DENND5A: variants seen among roughly 807,000 people sequenced by gnomAD.
DENND5A encodes the protein DENN domain containing 5A.
DENND5A carries 64 observed loss-of-function variants against 140.3 expected under a neutral mutation model. The ratio of observed to expected loss-of-function variants is 0.46; its 90% CI spans 0.37 to 0.56. The LOEUF (loss-of-function observed/expected upper bound fraction) is 0.56, where lower values mean the gene tolerates loss of function less well. Ranked by LOEUF, DENND5A falls within the 20% of genes least tolerant of loss-of-function variation. The pLI is 0.00. For synonymous variants in DENND5A, 605 were observed against 607.7 expected, an observed-to-expected ratio of 1.00 and a Z score of 0.07; for missense variants, 1,292 against 1,593.8, an observed-to-expected ratio of 0.81 and a Z score of 3.22.
At chr11:9,165,488 G>A (rs1172756424) in intron 11 of DENND5A, among the ~76,000 whole-genome samples, 2 of 151,934 alleles carry the variant, frequency 1.3e-5, no homozygotes, top group African/African-American at 4.8e-5. Flanking sequence ...TGCCCAGGCA[G>A]GAGTGCAGTG....
intron 8 of DENND5A, among the ~76,000 whole-genome samples, chr11:9,174,779 T>C (rs1439288877): frequency 5.4e-5 from 6 of 111,308 alleles, no homozygotes; most frequent in Non-Finnish European, 8.4e-5. Context: ...ATTACCTTGA[T>C]AGATACAGAA....
rs575382959 is a variant in DENND5A at position 9,212,633 on chromosome 11, A to G, written c.110-5001T>C. On this transcript the variant is annotated intron_variant, in intron 1 of 22. Coordinates refer to ENST00000328194, the MANE Select transcript of DENND5A (RefSeq NM_015213.4). ...AAAACATGGAACAACACAAGTACTG[A>G]AAAAAAAACACAAATAAATAAAAAT... 4.3e-5 allele frequency among the ~76,000 whole-genome samples: 6 copies of G among 138,478 alleles called. No homozygotes were observed. The South Asian group carries it at 1.3e-3, about 29-fold the overall frequency. The allele number at this position is 138,478 out of a possible 152,430, so 90.8% of individuals were successfully genotyped here.
intron 8 of DENND5A, among the ~76,000 whole-genome samples, chr11:9,177,376 G>C (rs535929463): frequency 2.8e-4 from 43 of 152,164 alleles, no homozygotes; most frequent in African/African-American, 1.0e-3. Flanking sequence ...CTGGAGCTGG[G>C]TGTGGTGGTT....
chr11:9,262,683 A>G (rs1852256371), intron 1 of DENND5A, among the ~76,000 whole-genome samples: 1 of 152,246 alleles, frequency 6.6e-6, no homozygotes, highest in Admixed American at 6.5e-5. Context: ...CTGTACTATA[A>G]GAATTTGAAG....
At chr11:9,254,054 G>A (rs1301180049) in intron 1 of DENND5A, among the ~76,000 whole-genome samples, 2 of 151,838 alleles carry the variant, frequency 1.3e-5, no homozygotes, top group Admixed American at 6.6e-5. Context: ...TACTCAGGAG[G>A]CCGAGGCAGG....
At chr11:9,171,805 G>A (rs1249523809) in intron 8 of DENND5A, 2 of 152,058 alleles carry the variant, frequency 1.3e-5, no homozygotes, top group Non-Finnish European at 2.9e-5. Context: ...TAAGGTTATG[G>A]TGAGCTATAA....
chr11:9,146,232 C>T (rs1847426932), intron 16 of DENND5A, among the ~76,000 whole-genome samples: 1 of 152,162 alleles, frequency 6.6e-6, no homozygotes, highest in African/African-American at 2.4e-5. Flanking sequence ...TTCCAAGGCA[C>T]AGAGAAAGAA....
intron 10 of DENND5A, among the ~76,000 whole-genome samples, chr11:9,166,729 G>T (rs1381974094): frequency 3.9e-5 from 6 of 152,076 alleles, no homozygotes; most frequent in Non-Finnish European, 8.8e-5. Flanking sequence ...CTACTCAGGA[G>T]GCTGAGGCAG....
chr11:9,264,835 C>G (rs1852372143), intron 1 of DENND5A, 126 bp downstream of exon 1: 1 of 820,660 alleles, frequency 1.2e-6, no homozygotes, highest in East Asian at 3.3e-5. Context: ...CGCCCGCGCC[C>G]GCCCTGGTCC....
In DENND5A at chr11:9,206,701, T is replaced by A; in HGVS notation, c.263A>T (p.Asn88Ile). ...TCCTACTGCATCTTGGTCAAAGGGATTCCATTCTACGTTCTCAGGATATCG... is the reference window on the plus strand; with the variant it reads ...TCCTACTGCATCTTGGTCAAAGGGAATCCATTCTACGTTCTCAGGATATCG... ...LARYPENVEW[N>I]PFDQDAVGML... Residue 88 changes from asparagine to isoleucine, a missense_variant, in exon 3 of 23, where the codon AAT (asparagine) becomes ATT (isoleucine). By Grantham distance (149) the Asn-to-Ile change is moderately radical. Transcript: ENST00000328194. The A allele has an allele frequency of 6.2e-7, 1 of 1,613,604 alleles. No individual in the cohort carries two copies. Among genetic ancestry groups the A allele is most frequent in the Non-Finnish European group, 8.5e-7 (1 of 1,179,566 alleles).
intron 8 of DENND5A, chr11:9,176,971 T>C (rs147424287): frequency 9.2e-5 from 42 of 455,458 alleles, no homozygotes; most frequent in African/African-American, 6.0e-4. Flanking sequence ...GTGGGAAAAA[T>C]AGGCTGGGCA....
chr11:9,178,951 C>A lies in DENND5A; in HGVS notation c.1578G>T (p.Gln526His). 6.2e-7 allele frequency: 1 copy of A among 1,614,028 alleles called. No homozygotes were observed. The highest frequency in any genetic ancestry group is 2.2e-5 in the East Asian group (1 of 44,880). The change falls in exon 7 of 23, where the codon CAG (glutamine) becomes CAT (histidine). Residue 526 changes from glutamine (Q) to histidine (H), a missense_variant. Around this residue, in one of 4 missense-constraint regions of DENND5A, gnomAD observed 29 missense variants for 64.7 expected, o/e 0.45. Coordinates refer to ENST00000328194, the MANE Select transcript of DENND5A (RefSeq NM_015213.4). ...IREVFANRFT[Q>H]MFADYEVFVI... ...CAAACACCTCATAATCTGCAAACAT[C>A]TGAGTGAAACGATTTGCAAAAACTT...
rs1847136855 is a variant in DENND5A, at chr11:9,138,900, A to C, written c.*771T>G. ...AGTTGCAAAACATAAATTTAATAATAATAACATAGCCAGTTAGATTGTGAC... is the reference window on the plus strand; with the variant it reads ...AGTTGCAAAACATAAATTTAATAATCATAACATAGCCAGTTAGATTGTGAC... On this transcript the variant is annotated 3_prime_UTR_variant, in exon 23 of 23. Coordinates refer to ENST00000328194, the MANE Select transcript of DENND5A (RefSeq NM_015213.4). 2 of 152,220 alleles carry C rather than the reference A, an allele frequency of 1.3e-5. No individual in the cohort carries two copies. Among genetic ancestry groups the C allele is most frequent in the Non-Finnish European group, 2.9e-5 (2 of 68,036 alleles). The allele number at this position is 152,220 out of a possible 1,614,324, so 9.4% of individuals were successfully genotyped here.
intron 11 of DENND5A, 84 bp from the exon 12 acceptor site, chr11:9,160,949 G>C: frequency 1.5e-6 from 2 of 1,351,470 alleles, no homozygotes; most frequent in Non-Finnish European, 2.1e-6. Context: ...AGCCTGCACA[G>C]TACATCTGTT....
chr11:9,179,186 C>T (rs1848644913), intron 6 of DENND5A, 113 bp from the exon 7 acceptor site: 3 of 877,260 alleles, frequency 3.4e-6, no homozygotes. Flanking sequence ...ATTTACTTAG[C>T]AGGAAATGAT....
intron 1 of DENND5A, among the ~76,000 whole-genome samples, chr11:9,262,149 GATT>G (rs1417707739): frequency 1.3e-5 from 2 of 152,126 alleles, no homozygotes; most frequent in African/African-American, 4.8e-5. Context: ...TACTTGATGA[GATT>G]ATTTTTATTT....
chr11:9,263,382 G>A (rs964478203), intron 1 of DENND5A, among the ~76,000 whole-genome samples: 3 of 151,302 alleles, frequency 2.0e-5, no homozygotes, highest in Admixed American at 1.3e-4. Flanking sequence ...CACGACGCCC[G>A]GCTAATTTTT....
intron 1 of DENND5A, among the ~76,000 whole-genome samples, chr11:9,264,453 C>G (rs148016186): frequency 4.6e-5 from 7 of 152,226 alleles, no homozygotes; most frequent in African/African-American, 1.4e-4. Flanking sequence ...CCCATCCAGA[C>G]GCGCAGAGCT....
At chr11:9,256,847 ATAAAT>A (rs773060430) in intron 1 of DENND5A, among the ~76,000 whole-genome samples, 3 of 152,212 alleles carry the variant, frequency 2.0e-5, no homozygotes, top group South Asian at 2.1e-4. Context: ...AATTGTAAAA[ATAAAT>A]TAAAAATCAC....
Sources: gnomAD v4.1 joint callset for allele counts (sites outside exome capture counted in the v4.1 genomes callset) on GRCh38, gnomAD v4.1.1 for gene constraint, gnomAD v4.1.1 regional missense constraint, MANE v1.5 for transcripts, NCBI Gene and HGNC (gene_info 2026-07-23, HGNC 2026-07-21) for gene names.